Variants in CIP2A observed in about 807,000 individuals in gnomAD.
CIP2A encodes the protein protein CIP2A.
Under a neutral mutation model 110.9 loss-of-function variants are expected in CIP2A, and 103 were observed. That is an observed-to-expected ratio of 0.93 (90% confidence interval 0.79 to 1.09). The LOEUF is 1.09. Ranked by LOEUF, CIP2A falls within the 50% of genes least tolerant of loss-of-function variation. CIP2A has a pLI of 0.00. For synonymous variants in CIP2A, 381 were observed against 361.6 expected (o/e 1.05, Z -0.61); for missense variants, 1,088 against 1,038.4 (o/e 1.05, Z -0.66).
rs1303036231 is a variant in CIP2A at position 108,553,894 on chromosome 3, T to TACAAAAAAAAAAAAAAAAAAAAAA, written c.2325-165_2325-164insTTTTTTTTTTTTTTTTTTTTTTGT. Among the ~76,000 whole-genome samples the TACAAAAAAAAAAAAAAAAAAAAAA allele has an allele frequency of 5.5e-3, 274 of 49,730 alleles. 130 individuals are homozygous for TACAAAAAAAAAAAAAAAAAAAAAA. Among genetic ancestry groups the TACAAAAAAAAAAAAAAAAAAAAAA allele is most frequent in the Non-Finnish European group, 7.3e-3 (183 of 25,128 alleles). The allele number at this position is 49,730 out of a possible 152,430, so 32.6% of individuals were successfully genotyped here. On this transcript the variant is annotated intron_variant, in intron 18 of 20. Coordinates refer to ENST00000295746, the MANE Select transcript of CIP2A (RefSeq NM_020890.3). ...GGTGAAACCCCGTCTCTACTAAAAA[T>TACAAAAAAAAAAAAAAAAAAAAAA]ATAAAAAAAAAAAAAAAAAAAAAAA...
At chr3:108,563,435 T>C (rs28409156) in intron 12 of CIP2A, among the ~76,000 whole-genome samples, 191 bp from the exon 13 acceptor site, 2,901 of 152,172 alleles carry the variant, frequency 0.019, 101 homozygotes, top group African/African-American at 0.067. Context: ...TACACTGCAA[T>C]GCAATCAATA....
intron 7 of CIP2A, 72 bp from the exon 8 acceptor site, chr3:108,576,418 A>G (rs1448960127): frequency 1.4e-5 from 11 of 782,608 alleles, no homozygotes; most frequent in Non-Finnish European, 2.0e-5. Context: ...TTTATCTACA[A>G]GATAAATATA....
intron 8 of CIP2A, among the ~76,000 whole-genome samples, chr3:108,570,218 TAAA>T (rs879906364): frequency 6.8e-6 from 1 of 148,014 alleles, no homozygotes; most frequent in Non-Finnish European, 1.5e-5. Flanking sequence ...AACTTATCAC[TAAA>T]AAAAAAAAAA....
chr3:108,560,750 T>A lies in CIP2A; in HGVS notation c.1726A>T (p.Ser576Cys). Residue 576 changes from serine (S) to cysteine (C), a missense_variant, in exon 14 of 21, where the codon AGT (serine) becomes TGT (cysteine). Physicochemically the swap from Ser to Cys is moderately radical, Grantham distance 112. Transcript: ENST00000295746. Reference sequence around the variant, plus strand: ...AAACACTTTATTGATGTTGGAAAACTGTGATTTGATGATTGCCAGGGCATT... The same window carrying A: ...AAACACTTTATTGATGTTGGAAAACAGTGATTTGATGATTGCCAGGGCATT... ...RKMPWQSSNH[S>C]FPTSIKCLTP... 6.2e-7 allele frequency: 1 copy of A among 1,612,624 alleles called. No individual in the cohort carries two copies. Among genetic ancestry groups the A allele is most frequent in the Non-Finnish European group, 8.5e-7 (1 of 1,178,924 alleles).
At chr3:108,567,224 G>A (rs959028018) in intron 10 of CIP2A, among the ~76,000 whole-genome samples, 15 of 151,528 alleles carry the variant, frequency 9.9e-5, no homozygotes, top group African/African-American at 3.6e-4. Context: ...AACTCTTGAA[G>A]TAAGGTTCTG....
At position 108,572,164 on chromosome 3, in the gene CIP2A, G is replaced by T. The variant is rs1464779415; in HGVS notation, c.895-2557C>A. Reference sequence around the variant, plus strand: ...TTGACTTTTCATTCTTTTATTAGTGGTCTTTTCATAAATAGAAACTTAATT... The same window carrying T: ...TTGACTTTTCATTCTTTTATTAGTGTTCTTTTCATAAATAGAAACTTAATT... On this transcript the variant is annotated intron_variant, in intron 8 of 20. Coordinates refer to ENST00000295746, the MANE Select transcript of CIP2A (RefSeq NM_020890.3). 1.3e-5 allele frequency among the ~76,000 whole-genome samples: 2 copies of T among 151,720 alleles called. 1 individual carries two copies. The highest frequency in any genetic ancestry group is 2.9e-5 in the Non-Finnish European group (2 of 67,906).
rs947267704 is a variant in CIP2A at position 108,550,482 on chromosome 3, T to G, written c.*667A>C. The G allele has an allele frequency of 8.6e-5, 13 of 151,436 alleles. No individual in the cohort carries two copies. The highest frequency in any genetic ancestry group is 3.1e-4 in the African/African-American group (13 of 41,436). 9.4% of individuals were successfully genotyped at this position (151,436 alleles called of 1,614,324 possible). The stretch of plus-strand genomic sequence containing the variant: ...CCTTACAAATAATTCTACAAGTTCT[T>G]AGATTTTTTATGAGACAGCTATTGT... On this transcript the variant is annotated 3_prime_UTR_variant, in exon 21 of 21. Coordinates refer to ENST00000295746, the MANE Select transcript of CIP2A (RefSeq NM_020890.3).
rs776166975 is a variant in CIP2A, at chr3:108,569,404, G to C, written c.1098C>G (p.Phe366Leu). 3 of 1,611,430 alleles carry C rather than the reference G, an allele frequency of 1.9e-6. No individual in the cohort carries two copies. Among genetic ancestry groups the C allele is most frequent in the Non-Finnish European group, 2.5e-6 (3 of 1,178,392 alleles). Residue 366 changes from phenylalanine to leucine, a missense_variant, in exon 9 of 21, where the codon TTC (phenylalanine) becomes TTG (leucine). Physicochemically the swap from Phe to Leu is conservative, Grantham distance 22. Transcript: ENST00000295746. ...ENCSVLALEL[F>L]KEIFEDVIDA... is the part of the protein sequence containing the mutation. ...ATCCTATTACCTCAAATATTTCCTT[G>C]AACAACTCCAATGCTAAAACAGAAC...
At chr3:108,561,171 T>C (rs1205912245) in intron 13 of CIP2A, among the ~76,000 whole-genome samples, 1 of 152,166 alleles carries the variant, frequency 6.6e-6, no homozygotes, top group Non-Finnish European at 1.5e-5. Context: ...TGATATCACC[T>C]GGCCTTTACG....
rs764883336 is a variant in CIP2A at position 108,589,334 on chromosome 3, G to C, written c.42C>G (p.Val14=). 6 of 1,614,042 alleles carry C rather than the reference G, an allele frequency of 3.7e-6. No individual in the cohort carries two copies. The East Asian group carries it at 1.3e-4, about 36-fold the overall frequency. ...TACLKSLLLT[V]SQYKAVKSEA... is the part of the protein sequence containing the mutation. ...CTGACTTCACGGCTTTGTACTGACT[G>C]ACAGTCAGGAGCAAGGACTTCAAGC... Residue 14 remains valine (V), a synonymous_variant, in exon 1 of 21, where the codon GTC becomes GTG. Coordinates refer to ENST00000295746, the MANE Select transcript of CIP2A (RefSeq NM_020890.3).
intron 8 of CIP2A, 21 bp downstream of exon 8, chr3:108,576,249 GA>G: frequency 1.4e-6 from 2 of 1,453,750 alleles, no homozygotes; most frequent in Non-Finnish European, 1.9e-6. Flanking sequence ...AAGTTTAAAT[GA>G]AAAGTCATGT....
intron 8 of CIP2A, among the ~76,000 whole-genome samples, chr3:108,575,371 CAT>C (rs1219386770): frequency 4.7e-5 from 7 of 149,788 alleles, no homozygotes; most frequent in Admixed American, 2.0e-4. Context: ...TATACATACA[CAT>C]ATACATGTAT....
At chr3:108,588,454 T>G (rs1356162511) in intron 1 of CIP2A, among the ~76,000 whole-genome samples, 8 of 152,072 alleles carry the variant, frequency 5.3e-5, no homozygotes, top group Admixed American at 5.2e-4. Flanking sequence ...CTGTAATATT[T>G]TACAAATTTT....
At chr3:108,580,007 A>G (rs1275150532) in intron 5 of CIP2A, among the ~76,000 whole-genome samples, 1 of 152,238 alleles carries the variant, frequency 6.6e-6, no homozygotes, top group Non-Finnish European at 1.5e-5. Flanking sequence ...CAGGGTGTCA[A>G]TTCTAATAAA....
intron 8 of CIP2A, 40 bp downstream of exon 8, chr3:108,576,205 TTTTTTAAAAGTTTCGGCATTTTGCAG>T (rs1375117961): frequency 1.7e-5 from 17 of 1,009,768 alleles, no homozygotes; most frequent in Admixed American, 1.3e-4. Context: ...TATTTTGCAG[TTTTTTAAAAGTTTCGGCATTTTGCAG>T]TTTTTAAAAG....
At chr3:108,587,780 C>CT (rs921570206) in intron 1 of CIP2A, among the ~76,000 whole-genome samples, 40 of 151,252 alleles carry the variant, frequency 2.6e-4, no homozygotes, top group African/African-American at 7.8e-4. Context: ...TTAAGTCTCT[C>CT]TTTTTTTTTG....
chr3:108,571,430 T>C (rs961465960), intron 8 of CIP2A, among the ~76,000 whole-genome samples: 7 of 152,164 alleles, frequency 4.6e-5, no homozygotes, highest in Non-Finnish European at 7.4e-5. Flanking sequence ...TGTCTGTCAT[T>C]GACTAAAATG....
At chr3:108,561,756 A>C (rs1283351392) in intron 13 of CIP2A, among the ~76,000 whole-genome samples, 1 of 152,156 alleles carries the variant, frequency 6.6e-6, no homozygotes, top group East Asian at 1.9e-4. Flanking sequence ...CGCCCAAGAT[A>C]ATGTCAAATA....
intron 10 of CIP2A, among the ~76,000 whole-genome samples, chr3:108,567,737 T>A (rs1361621934): frequency 6.6e-6 from 1 of 151,890 alleles, no homozygotes; most frequent in Non-Finnish European, 1.5e-5. Flanking sequence ...GACAACTCTA[T>A]CAGCATTTCT....
Sources: allele counts gnomAD v4.1 joint callset (sites outside exome capture counted in the v4.1 genomes callset), GRCh38; gene constraint gnomAD v4.1.1; transcripts MANE v1.5; gene names NCBI Gene and HGNC (gene_info 2026-07-23, HGNC 2026-07-21).